SCLT1: variants seen among roughly 807,000 people sequenced by gnomAD.
The protein encoded by SCLT1 is sodium channel and clathrin linker 1.
In SCLT1, 78 loss-of-function variants were observed where a neutral mutation model predicts 112.8. The observed-to-expected ratio is 0.69, with a 90% confidence interval of 0.58 to 0.83. The LOEUF (loss-of-function observed/expected upper bound fraction) is 0.83. Among genes scored for constraint, SCLT1 ranks in the 40% least tolerant of loss-of-function variants. The pLI is 0.00. For missense variants in SCLT1, 747 were observed against 770.4 expected, an observed-to-expected ratio of 0.97 and a Z score of 0.36; for synonymous variants, 257 against 254.7, an observed-to-expected ratio of 1.01 and a Z score of -0.09.
chr4:129,007,942 A>G (rs1744176686), intron 5 of SCLT1, among the ~76,000 whole-genome samples: 2 of 152,162 alleles, frequency 1.3e-5, no homozygotes, highest in South Asian at 2.1e-4. Flanking sequence ...ACATCGTAAC[A>G]TGCCTCTGAG....
chr4:129,082,638 C>T (rs1752042249), intron 1 of SCLT1, among the ~76,000 whole-genome samples: 1 of 152,134 alleles, frequency 6.6e-6, no homozygotes, highest in Non-Finnish European at 1.5e-5. Context: ...AACATGAAAT[C>T]TCAGTCTCTG....
At position 129,044,972 on chromosome 4, in the gene SCLT1, T is replaced by C. The variant is rs74716392; in HGVS notation, c.103-921A>G. 8.0e-3 allele frequency among the ~76,000 whole-genome samples: 1,209 copies of C among 152,008 alleles called. 15 individuals carry two copies. Among genetic ancestry groups the C allele is most frequent in the African/African-American group, 0.028 (1,159 of 41,508 alleles). On this transcript the variant is annotated intron_variant, in intron 2 of 20. Transcript: ENST00000281142. ...ACAGTATAACAAACCCAGAAATAGATTCAAGCATTTATAGGTATGTGGTAT... is the reference window on the plus strand; with the variant it reads ...ACAGTATAACAAACCCAGAAATAGACTCAAGCATTTATAGGTATGTGGTAT...
chr4:128,940,284 A>T (rs1737574057), intron 17 of SCLT1, among the ~76,000 whole-genome samples: 1 of 152,022 alleles, frequency 6.6e-6, no homozygotes, highest in Admixed American at 6.6e-5. Context: ...AAATTCATTG[A>T]TTCCATCCCC....
chr4:129,086,851 G>C (rs952985505), intron 1 of SCLT1, among the ~76,000 whole-genome samples: 1 of 152,222 alleles, frequency 6.6e-6, no homozygotes, highest in African/African-American at 2.4e-5. Flanking sequence ...TTGAGTTTAA[G>C]ACATCAAAAA....
intron 13 of SCLT1, among the ~76,000 whole-genome samples, chr4:128,953,785 T>G (rs1377297269): frequency 1.4e-5 from 2 of 143,160 alleles, no homozygotes; most frequent in Non-Finnish European, 3.0e-5. Flanking sequence ...GGCAACAGAG[T>G]GAGACTCCAT....
chr4:128,941,014 T>G (rs937415332), intron 17 of SCLT1, among the ~76,000 whole-genome samples: 1 of 152,182 alleles, frequency 6.6e-6, no homozygotes, highest in Admixed American at 6.5e-5. Flanking sequence ...TGTTTTTTTT[T>G]CTTAGATTGC....
At chr4:128,969,806 A>G (rs930934504) in intron 10 of SCLT1, among the ~76,000 whole-genome samples, 1 of 152,158 alleles carries the variant, frequency 6.6e-6, no homozygotes, top group Non-Finnish European at 1.5e-5. Context: ...ATTGTTACCT[A>G]TGGGAGGGTT....
At chr4:128,889,583 T>C (rs969198639) in intron 19 of SCLT1, among the ~76,000 whole-genome samples, 10 of 152,230 alleles carry the variant, frequency 6.6e-5, no homozygotes, top group Non-Finnish European at 1.3e-4. Flanking sequence ...CCACCCAGTT[T>C]CTAATACTTT....
At chr4:129,060,565 T>C (rs1749871903) in intron 2 of SCLT1, among the ~76,000 whole-genome samples, 1 of 152,286 alleles carries the variant, frequency 6.6e-6, no homozygotes, top group African/African-American at 2.4e-5. Flanking sequence ...TGTAATGGAA[T>C]AGGGTCCATG....
chr4:128,983,398 A>G (rs1344495271), intron 9 of SCLT1, among the ~76,000 whole-genome samples: 1 of 152,224 alleles, frequency 6.6e-6, no homozygotes, highest in Non-Finnish European at 1.5e-5. Context: ...CTGGAAAAAC[A>G]GTATAAATCT....
At chr4:128,973,032 G>T (rs917613219) in intron 9 of SCLT1, among the ~76,000 whole-genome samples, 1 of 151,810 alleles carries the variant, frequency 6.6e-6, no homozygotes, top group African/African-American at 2.4e-5. Flanking sequence ...GTACTCACTC[G>T]CTGTTTTCTA....
chr4:128,910,039 T>G (rs1264982649), intron 18 of SCLT1, among the ~76,000 whole-genome samples: 1 of 152,174 alleles, frequency 6.6e-6, no homozygotes, highest in East Asian at 1.9e-4. Flanking sequence ...GAGCCATAGT[T>G]AAAGATGTGA....
At chr4:128,913,918 A>G (rs1179221145) in intron 18 of SCLT1, among the ~76,000 whole-genome samples, 7 of 152,148 alleles carry the variant, frequency 4.6e-5, no homozygotes, top group Non-Finnish European at 7.4e-5. Context: ...TTTAAAAGGT[A>G]TGAGTCTTTG....
intron 2 of SCLT1, among the ~76,000 whole-genome samples, chr4:129,068,585 C>T (rs912063921): frequency 2.0e-5 from 3 of 152,088 alleles, no homozygotes; most frequent in Non-Finnish European, 4.4e-5. Context: ...TGAGAATTGT[C>T]TATTCAGGTC....
intron 3 of SCLT1, among the ~76,000 whole-genome samples, chr4:128,878,728 A>T (rs1009747256): frequency 2.6e-5 from 4 of 152,334 alleles, no homozygotes; most frequent in African/African-American, 9.6e-5. Context: ...TCATTGAAGA[A>T]ATCTGGAAAC....
chr4:128,951,846 G>A lies in SCLT1; in HGVS notation c.1218+923C>T, dbSNP rs115924387. On this transcript the variant is annotated intron_variant, in intron 14 of 20. Coordinates refer to ENST00000281142, the MANE Select transcript of SCLT1 (RefSeq NM_144643.4). ...AACAAATACAAAATAAATATTCCTT[G>A]TTCTATTACATTTGGGACCAATACA... is the stretch of plus-strand genomic sequence containing the variant. Among the ~76,000 whole-genome samples, 629 of 152,184 alleles carry A rather than the reference G, an allele frequency of 4.1e-3. 3 individuals carry two copies. The highest frequency in any genetic ancestry group is 0.014 in the African/African-American group (598 of 41,536).
chr4:129,063,675 G>A (rs549337807), intron 2 of SCLT1, among the ~76,000 whole-genome samples: 52 of 152,296 alleles, frequency 3.4e-4, no homozygotes, highest in African/African-American at 1.2e-3. Flanking sequence ...TTATGAGTGG[G>A]TCTGCTGATA....
intron 7 of SCLT1, among the ~76,000 whole-genome samples, chr4:128,998,199 AAAT>A (rs1249073494): frequency 6.6e-6 from 1 of 151,884 alleles, no homozygotes; most frequent in African/African-American, 2.4e-5. Context: ...ATCATTTATT[AAAT>A]ATTATTTTAA....
At chr4:128,894,528 A>G (rs1472915353) in intron 18 of SCLT1, among the ~76,000 whole-genome samples, 1 of 152,132 alleles carries the variant, frequency 6.6e-6, no homozygotes, top group Admixed American at 6.5e-5. Flanking sequence ...CTAAAAGTCC[A>G]GTCTTAAATT....
Sources: gnomAD v4.1 joint callset for allele counts (sites outside exome capture counted in the v4.1 genomes callset) on GRCh38, gnomAD v4.1.1 for gene constraint, MANE v1.5 for transcripts, NCBI Gene and HGNC (gene_info 2026-07-23, HGNC 2026-07-21) for gene names.